The following TOMM7 variants were observed in gnomAD, a reference collection of about 807,000 sequenced individuals.
TOMM7 encodes the protein mitochondrial import receptor subunit TOM7 homolog.
In TOMM7, 8 loss-of-function variants were observed where a neutral mutation model predicts 9.5. The ratio of observed to expected loss-of-function variants is 0.84; its 90% CI spans 0.49 to 1.51. TOMM7 has a LOEUF of 1.51. Among genes scored for constraint, TOMM7 ranks in the 40% most tolerant of loss-of-function variants. The probability of loss-of-function intolerance (pLI) is 0.00; values close to 1 mark genes in which losing one functional copy is unlikely to be tolerated. For missense variants in TOMM7, 74 were observed against 63.7 expected (o/e 1.16, Z -0.55); for synonymous variants, 27 against 21.4 (o/e 1.26, Z -0.72).
chr7:22,817,586 G>GA (rs1344724346), intron 2 of TOMM7: 1 of 186,054 alleles, frequency 5.4e-6, no homozygotes, highest in African/African-American at 2.4e-5. Context: ...ATAAAATACT[G>GA]AAAAATTGAA....
intron 1 of TOMM7, among the ~76,000 whole-genome samples, chr7:22,820,754 T>G (rs374855146): frequency 9.2e-5 from 14 of 152,280 alleles, no homozygotes; most frequent in African/African-American, 3.4e-4. Flanking sequence ...CTGTCATATT[T>G]ACTCTAATCC....
intron 1 of TOMM7, among the ~76,000 whole-genome samples, chr7:22,819,505 G>C (rs192157053): frequency 1.1e-4 from 17 of 152,180 alleles, no homozygotes; most frequent in Admixed American, 1.1e-3. Context: ...TGAGTAGTTG[G>C]GATTACAGGC....
Position 22,818,171 on chromosome 7 carries a change from A to C in TOMM7, c.104-123T>G, listed in dbSNP as rs1252811182. Reference sequence around the variant, plus strand: ...GGATAGTTAGAATGATATCTAGACCAACCAGTACTATCTAAATTTACCTAC... The same window carrying C: ...GGATAGTTAGAATGATATCTAGACCCACCAGTACTATCTAAATTTACCTAC... On this transcript the variant is annotated intron_variant, in intron 1 of 2. Coordinates refer to ENST00000358435, the MANE Select transcript of TOMM7 (RefSeq NM_019059.5). 6 of 807,764 alleles carry C rather than the reference A, an allele frequency of 7.4e-6. No homozygotes were observed. In the African/African-American group the frequency reaches 1.0e-4, roughly 14 times the overall value. 50.0% of individuals were successfully genotyped at this position (807,764 alleles called of 1,614,324 possible).
intron 1 of TOMM7, among the ~76,000 whole-genome samples, chr7:22,819,434 C>A (rs1205370489): frequency 6.6e-6 from 1 of 151,480 alleles, no homozygotes; most frequent in Non-Finnish European, 1.5e-5. Flanking sequence ...GTGGCACGAT[C>A]TCAGCTCACT....
Position 22,817,935 on chromosome 7 carries a change from A to G in TOMM7, c.152+65T>C, listed in dbSNP as rs1782337547. 6 of 1,475,252 alleles carry G rather than the reference A, an allele frequency of 4.1e-6. No individual in the cohort carries two copies. The South Asian group carries it at 6.9e-5, about 17-fold the overall frequency. 91.4% of individuals were successfully genotyped at this position (1,475,252 alleles called of 1,614,324 possible). ...AGGCCTGCCACTATTACTCTTTTAC[A>G]TCTTAGTGATTCAGTACTACTGTAT... On this transcript the variant is annotated intron_variant, in intron 2 of 2. Coordinates refer to ENST00000358435, the MANE Select transcript of TOMM7 (RefSeq NM_019059.5).
intron 2 of TOMM7, among the ~76,000 whole-genome samples, chr7:22,814,314 C>T (rs1302243259): frequency 6.8e-6 from 1 of 147,414 alleles, no homozygotes; most frequent in Non-Finnish European, 1.5e-5. Flanking sequence ...TGTACCATTG[C>T]ACTCCAGCCT....
In TOMM7 at chr7:22,812,979, T is replaced by A; in HGVS notation, c.*191A>T. 1 of 583,964 alleles carries A rather than the reference T, an allele frequency of 1.7e-6. No homozygotes were observed. Among genetic ancestry groups the A allele is most frequent in the Non-Finnish European group, 3.1e-6 (1 of 323,714 alleles). 36.2% of individuals were successfully genotyped at this position (583,964 alleles called of 1,614,324 possible). A position where few individuals can be genotyped will look rare whatever the true frequency, so the allele number is the denominator to read the frequency against. The stretch of plus-strand genomic sequence containing the variant: ...CAAAAAAGACTCAAGCATAACACTG[T>A]TAAAAACATTTATTCTGATACATTC... On this transcript the variant is annotated 3_prime_UTR_variant, in exon 3 of 3. Coordinates refer to ENST00000358435, the MANE Select transcript of TOMM7 (RefSeq NM_019059.5).
Position 22,813,025 on chromosome 7 carries a change from T to G in TOMM7, c.*145A>C, listed in dbSNP as rs539986954. The G allele has an allele frequency of 4.3e-5, 33 of 772,552 alleles. No individual in the cohort carries two copies. The African/African-American group carries it at 5.3e-4, about 12-fold the overall frequency. The allele number at this position is 772,552 out of a possible 1,614,324, so 47.9% of individuals were successfully genotyped here. A position where few individuals can be genotyped will look rare whatever the true frequency, so the allele number is the denominator to read the frequency against. ...CATTCTATCATAAGTTAGTACAAGT[T>G]CCACTCTGCTACAGATGCGTCTGTG... On this transcript the variant is annotated 3_prime_UTR_variant, in exon 3 of 3. Transcript: ENST00000358435.
chr7:22,813,693 C>G (rs1782278570), intron 2 of TOMM7, among the ~76,000 whole-genome samples: 2 of 151,536 alleles, frequency 1.3e-5, no homozygotes, highest in Non-Finnish European at 2.9e-5. Context: ...AGTGCCCTTA[C>G]AACCATTAAG....
In TOMM7 at chr7:22,822,379, CA is replaced by C; in HGVS notation, c.103+297del. The C allele has an allele frequency of 2.5e-6, 3 of 1,203,004 alleles. No homozygotes were observed. In the South Asian group the frequency reaches 4.7e-5, roughly 19 times the overall value. 74.5% of individuals were successfully genotyped at this position (1,203,004 alleles called of 1,614,324 possible). A position where few individuals can be genotyped will look rare whatever the true frequency, so the allele number is the denominator to read the frequency against. The stretch of plus-strand genomic sequence containing the variant: ...TGCTAGAGAGTGAATTAGTGACTTT[CA>C]CATCCACTGGGGTCATCCAACCCTC... On this transcript the variant is annotated intron_variant, in intron 1 of 2. Coordinates refer to ENST00000358435, the MANE Select transcript of TOMM7 (RefSeq NM_019059.5).
chr7:22,814,040 G>A (rs572258366), intron 2 of TOMM7, among the ~76,000 whole-genome samples: 11 of 150,170 alleles, frequency 7.3e-5, no homozygotes, highest in Non-Finnish European at 1.3e-4. Context: ...GTTAAGATAT[G>A]AAAATAAATT....
intron 1 of TOMM7, among the ~76,000 whole-genome samples, chr7:22,819,960 A>G (rs1782365900): frequency 6.6e-6 from 1 of 152,154 alleles, no homozygotes; most frequent in Non-Finnish European, 1.5e-5. Flanking sequence ...GAAGCACTGA[A>G]AGTTATGATT....
intron 2 of TOMM7, among the ~76,000 whole-genome samples, chr7:22,814,424 T>C (rs1261323707): frequency 2.7e-5 from 4 of 145,868 alleles, no homozygotes; most frequent in African/African-American, 7.7e-5. Context: ...GAGGCTGAGG[T>C]GGGAGGACCA....
At chr7:22,815,914 T>C (rs967153142) in intron 2 of TOMM7, among the ~76,000 whole-genome samples, 1 of 152,012 alleles carries the variant, frequency 6.6e-6, no homozygotes, top group African/African-American at 2.4e-5. Flanking sequence ...GGGGCGACAT[T>C]TGAGATTGGG....
intron 2 of TOMM7, among the ~76,000 whole-genome samples, chr7:22,814,508 A>C (rs965113124): frequency 1.3e-5 from 2 of 152,106 alleles, no homozygotes; most frequent in African/African-American, 4.8e-5. Flanking sequence ...GACAGAAAAA[A>C]ACACACAAAA....
intron 1 of TOMM7, among the ~76,000 whole-genome samples, chr7:22,821,948 C>A (rs886076408): frequency 3.3e-5 from 5 of 151,496 alleles, no homozygotes; most frequent in African/African-American, 1.2e-4. Flanking sequence ...TGCAATGAGC[C>A]GGGATAGCGC....
At chr7:22,821,166 C>T (rs1349844470) in intron 1 of TOMM7, among the ~76,000 whole-genome samples, 1 of 152,188 alleles carries the variant, frequency 6.6e-6, no homozygotes, top group African/African-American at 2.4e-5. Context: ...AATCCCAGCA[C>T]TTTGGGAGGC....
At chr7:22,818,104 A>C in intron 1 of TOMM7, 56 bp from the exon 2 acceptor site, 1 of 1,529,716 alleles carries the variant, frequency 6.5e-7, no homozygotes, top group Non-Finnish European at 9.1e-7. Context: ...AGCAGACAAA[A>C]CATTTACAAT....
intron 2 of TOMM7, chr7:22,817,746 A>G (rs1244343260): frequency 2.5e-6 from 1 of 393,936 alleles, no homozygotes; most frequent in Non-Finnish European, 4.6e-6. Flanking sequence ...AATTTAAAAC[A>G]GTTCGTATTT....
Sources: gnomAD v4.1 joint callset for allele counts (sites outside exome capture counted in the v4.1 genomes callset) on GRCh38, gnomAD v4.1.1 for gene constraint, MANE v1.5 for transcripts, NCBI Gene and HGNC (gene_info 2026-07-23, HGNC 2026-07-21) for gene names.